Variants in GNG2 observed in about 807,000 individuals in gnomAD.
GNG2 encodes guanine nucleotide-binding protein G(I)/G(S)/G(O) subunit gamma-2.
Under a neutral mutation model 5.5 loss-of-function variants are expected in GNG2, and 5 were observed. That is an observed-to-expected ratio of 0.91 (90% CI 0.48 to 1.92). GNG2 has a LOEUF of 1.92. Among genes scored for constraint, GNG2 ranks in the 30% most tolerant of loss-of-function variants. The pLI, the probability that GNG2 is intolerant of heterozygous loss-of-function variation, is 0.01. For missense variants in GNG2, 55 were observed against 88.4 expected (o/e 0.62, Z 1.52); for synonymous variants, 28 against 32.0 (o/e 0.88, Z 0.42).
chr14:51,855,279 C>A (rs1201128106), intron 2 of GNG2, among the ~76,000 whole-genome samples: 2 of 152,186 alleles, frequency 1.3e-5, no homozygotes, highest in African/African-American at 4.8e-5. Flanking sequence ...GTCCCACTAG[C>A]TTTCGTGCTG....
At chr14:51,905,374 GA>G (rs1445134592) in intron 2 of GNG2, among the ~76,000 whole-genome samples, 1 of 152,058 alleles carries the variant, frequency 6.6e-6, no homozygotes, top group Non-Finnish European at 1.5e-5. Flanking sequence ...CCATATAAAC[GA>G]AAACTACAGT....
intron 1 of GNG2, chr14:51,873,854 G>A (rs1165428947): frequency 6.6e-6 from 1 of 152,234 alleles, no homozygotes; most frequent in Non-Finnish European, 1.5e-5. Flanking sequence ...AAGTAAGCAA[G>A]ATATCTTTTC....
At chr14:51,944,747 A>G (rs1379387311) in intron 2 of GNG2, among the ~76,000 whole-genome samples, 2 of 152,254 alleles carry the variant, frequency 1.3e-5, no homozygotes, top group African/African-American at 4.8e-5. Context: ...TTTGTATATA[A>G]CACCAGAGAC....
At chr14:51,913,978 T>G (rs932182804) in intron 2 of GNG2, 3 of 485,130 alleles carry the variant, frequency 6.2e-6, no homozygotes, top group African/African-American at 3.9e-5. Context: ...TGAAAAACAA[T>G]GGGAAGAATA....
intron 1 of GNG2, among the ~76,000 whole-genome samples, chr14:51,863,227 C>A (rs202151464): frequency 1.3e-5 from 2 of 152,182 alleles, no homozygotes; most frequent in African/African-American, 4.8e-5. Flanking sequence ...GTGAAAAGAA[C>A]GCAGGCTTTG....
At chr14:51,883,009 C>CAAAAAAAAAAAAA in intron 2 of GNG2, among the ~76,000 whole-genome samples, 1 of 49,296 alleles carries the variant, frequency 2.0e-5, no homozygotes, top group Non-Finnish European at 4.2e-5. Context: ...GACTCCATCT[C>CAAAAAAAAAAAAA]AAAAAAAAAA....
chr14:51,837,769 G>A (rs997282483), intron 2 of GNG2, among the ~76,000 whole-genome samples: 3 of 152,076 alleles, frequency 2.0e-5, no homozygotes, highest in Admixed American at 2.0e-4. Flanking sequence ...TATTTATAGA[G>A]GCTGAAAAAG....
At chr14:51,905,938 C>T (rs572932960) in intron 2 of GNG2, among the ~76,000 whole-genome samples, 4 of 152,332 alleles carry the variant, frequency 2.6e-5, no homozygotes, top group African/African-American at 7.2e-5. Flanking sequence ...CCTCCCCAGC[C>T]GTGCAGAACT....
intron 2 of GNG2, among the ~76,000 whole-genome samples, chr14:51,838,885 C>T (rs1299443082): frequency 6.6e-6 from 1 of 152,036 alleles, no homozygotes; most frequent in Non-Finnish European, 1.5e-5. Context: ...GCAGCCTGGA[C>T]AATAGAGTGA....
chr14:51,959,220 C>G (rs959531697), intron 3 of GNG2, among the ~76,000 whole-genome samples: 1 of 152,036 alleles, frequency 6.6e-6, no homozygotes, highest in Non-Finnish European at 1.5e-5. Flanking sequence ...ATCTCTAGGA[C>G]CTTGATTACC....
chr14:51,949,842 A>G (rs1006331522), intron 2 of GNG2, among the ~76,000 whole-genome samples: 5 of 152,190 alleles, frequency 3.3e-5, no homozygotes, highest in Admixed American at 6.5e-5. Context: ...AGAAAGGATA[A>G]GAAGAGAAAT....
chr14:51,908,027 A>G (rs995502924), intron 2 of GNG2, among the ~76,000 whole-genome samples: 1 of 152,248 alleles, frequency 6.6e-6, no homozygotes, highest in Non-Finnish European at 1.5e-5. Flanking sequence ...ACAAACATCT[A>G]TCTTCTAATA....
chr14:51,878,513 T>C (rs1264218349), intron 2 of GNG2, among the ~76,000 whole-genome samples: 2 of 152,222 alleles, frequency 1.3e-5, no homozygotes, highest in Admixed American at 1.3e-4. Flanking sequence ...TACATAACTG[T>C]TTAGGGGATA....
chr14:51,889,109 C>CCTTTTTTTTT (rs1445313036), intron 2 of GNG2, among the ~76,000 whole-genome samples: 1 of 118,938 alleles, frequency 8.4e-6, no homozygotes. Flanking sequence ...TGGGTTTGCG[C>CCTTTTTTTTT]TTTTTTTTTT....
rs138767591 is a variant in GNG2 at position 51,922,271 on chromosome 14, G to A, written c.-29-28379G>A. On this transcript the variant is annotated intron_variant, in intron 2 of 3. Coordinates refer to ENST00000556766, the MANE Select transcript of GNG2 (RefSeq NM_053064.5). ...TGCTATCATGGGAAAGAAATTGCTT[G>A]TGGATCTTGTAAAACAGAAAATGTA... Among the ~76,000 whole-genome samples, 714 of 152,320 alleles carry A rather than the reference G, an allele frequency of 4.7e-3. 3 individuals carry two copies. Among genetic ancestry groups the A allele is most frequent in the Admixed American group, 8.8e-3 (135 of 15,304 alleles).
At chr14:51,843,738 A>T (rs1430596523) in intron 2 of GNG2, among the ~76,000 whole-genome samples, 1 of 152,036 alleles carries the variant, frequency 6.6e-6, no homozygotes, top group Non-Finnish European at 1.5e-5. Flanking sequence ...ATGGTTCCTC[A>T]TGTTTCCATT....
rs1302229872 is a variant in GNG2 at position 51,969,116 on chromosome 14, A to AT, written c.*2433dup. The AT allele has an allele frequency of 5.9e-5, 9 of 152,160 alleles. No homozygotes were observed. The highest frequency in any genetic ancestry group is 2.2e-4 in the African/African-American group (9 of 41,424). The allele number at this position is 152,160 out of a possible 1,614,324, so 9.4% of individuals were successfully genotyped here. ...TAATTTCTTGAGAAATTCAACAGTCATTTTCACCAGCATAATTTTATCTTA... is the reference window on the plus strand; with the variant it reads ...TAATTTCTTGAGAAATTCAACAGTCATTTTTCACCAGCATAATTTTATCTTA... On this transcript the variant is annotated 3_prime_UTR_variant, in exon 4 of 4. Coordinates refer to ENST00000556766, the MANE Select transcript of GNG2 (RefSeq NM_053064.5).
chr14:51,831,509 G>A (rs1011830839), intron 2 of GNG2, among the ~76,000 whole-genome samples: 5 of 152,138 alleles, frequency 3.3e-5, no homozygotes, highest in Admixed American at 6.5e-5. Flanking sequence ...CTAGACTGTC[G>A]GTATCAGAAA....
chr14:51,903,146 T>G, intron 2 of GNG2, among the ~76,000 whole-genome samples: 1 of 152,228 alleles, frequency 6.6e-6, no homozygotes. Context: ...ACAAGCAATT[T>G]ACATACCCAA....
Sources: gnomAD v4.1 joint callset for allele counts (sites outside exome capture counted in the v4.1 genomes callset) on GRCh38, gnomAD v4.1.1 for gene constraint, MANE v1.5 for transcripts, NCBI Gene and HGNC (gene_info 2026-07-23, HGNC 2026-07-21) for gene names.